Variants in ITSN1 observed in about 807,000 individuals in gnomAD.
The protein encoded by ITSN1 is intersectin-1.
A neutral mutation model predicts 239.8 loss-of-function variants in ITSN1; 58 were observed. The ratio of observed to expected loss-of-function variants is 0.24; its 90% CI spans 0.20 to 0.30. The LOEUF is 0.30. Ranked by LOEUF, ITSN1 falls within the 10% of genes least tolerant of loss-of-function variation. The pLI is 1.00. For missense variants in ITSN1, 1,558 were observed against 2,103.3 expected (o/e 0.74, Z 5.07); for synonymous variants, 780 against 770.8 (o/e 1.01, Z -0.20).
rs750715440 is a variant in ITSN1 at position 33,817,568 on chromosome 21, C to T, written c.2728-699C>T. The T allele has an allele frequency of 3.1e-6, 4 of 1,302,326 alleles. No homozygotes were observed. In the South Asian group the frequency reaches 3.7e-5, roughly 12 times the overall value. The allele number at this position is 1,302,326 out of a possible 1,614,324, so 80.7% of individuals were successfully genotyped here. ...CTTGGTTGTTTTTATCTCTGTCTTC[C>T]CCATTACTTGTGAATTACCTGCTAG... On this transcript the variant is annotated intron_variant, in intron 22 of 39. Transcript: ENST00000381318.
chr21:33,855,998 A>T (rs1979250267), intron 29 of ITSN1, among the ~76,000 whole-genome samples: 1 of 152,254 alleles, frequency 6.6e-6, no homozygotes, highest in Non-Finnish European at 1.5e-5. Context: ...GATAGAGCAC[A>T]GCCTCTGCAG....
chr21:33,759,033 C>T (rs1602057132), intron 8 of ITSN1, among the ~76,000 whole-genome samples: 1 of 152,188 alleles, frequency 6.6e-6, no homozygotes, highest in African/African-American at 2.4e-5. Context: ...AGTAGAATTA[C>T]AAGAGATAAT....
At chr21:33,862,775 G>A (rs1980872175) in intron 31 of ITSN1, among the ~76,000 whole-genome samples, 2 of 152,320 alleles carry the variant, frequency 1.3e-5, no homozygotes, top group East Asian at 3.9e-4. Context: ...CTTGGGTCAA[G>A]TCACTGAATT....
chr21:33,836,218 A>G (rs547030654), intron 28 of ITSN1, among the ~76,000 whole-genome samples: 3 of 152,362 alleles, frequency 2.0e-5, no homozygotes, highest in East Asian at 3.9e-4. Context: ...GGACGATATC[A>G]TAAAAACTAA....
At chr21:33,653,650 G>C (rs1215000452) in intron 1 of ITSN1, among the ~76,000 whole-genome samples, 3 of 151,956 alleles carry the variant, frequency 2.0e-5, no homozygotes, top group Admixed American at 2.0e-4. Flanking sequence ...AGCCTCCCGA[G>C]TAGCTGGGAC....
chr21:33,767,578 T>C (rs967555362), intron 10 of ITSN1, 135 bp from the exon 11 acceptor site: 3 of 465,464 alleles, frequency 6.4e-6, no homozygotes, highest in Non-Finnish European at 7.7e-6. Context: ...AGACCAAATC[T>C]TTATATTTTC....
At chr21:33,856,142 T>G (rs1188709235) in intron 29 of ITSN1, among the ~76,000 whole-genome samples, 2 of 152,240 alleles carry the variant, frequency 1.3e-5, no homozygotes, top group Non-Finnish European at 2.9e-5. Flanking sequence ...GAGCATTAAA[T>G]GCAGTTCACC....
chr21:33,771,944 A>G (rs1301511733), intron 11 of ITSN1, 117 bp from the exon 12 acceptor site: 2 of 1,103,640 alleles, frequency 1.8e-6, no homozygotes, highest in Non-Finnish European at 2.6e-6. Flanking sequence ...ACAGAAGCTT[A>G]GGGAGTTCTG....
At chr21:33,679,166 C>CT (rs1399811410) in intron 1 of ITSN1, among the ~76,000 whole-genome samples, 1 of 152,114 alleles carries the variant, frequency 6.6e-6, no homozygotes, top group East Asian at 1.9e-4. Flanking sequence ...AAGCCAAAGC[C>CT]TTTGTATAAC....
rs1025685769 is a variant in ITSN1, at chr21:33,891,027, T to TCTTCA, written c.*2729_*2733dup. On this transcript the variant is annotated 3_prime_UTR_variant, in exon 40 of 40. Coordinates refer to ENST00000381318, the MANE Select transcript of ITSN1 (RefSeq NM_003024.3). The stretch of plus-strand genomic sequence containing the variant: ...TCCTGGGACCTCTTGGGCTGAGCCT[T>TCTTCA]CTTCACAGAGCAGTTCTCTAGAAGG... The TCTTCA allele has an allele frequency of 6.6e-6, 1 of 152,330 alleles. No homozygotes were observed. Among genetic ancestry groups the TCTTCA allele is most frequent in the Admixed American group, 6.5e-5 (1 of 15,288 alleles). The allele number at this position is 152,330 out of a possible 1,614,324, so 9.4% of individuals were successfully genotyped here.
In ITSN1 at chr21:33,718,798, C is replaced by T. The variant is rs186895426; in HGVS notation, c.-31C>T. The T allele has an allele frequency of 1.4e-4, 221 of 1,604,516 alleles. No homozygotes were observed. The African/African-American group carries it at 2.1e-3, about 15-fold the overall frequency. On this transcript the variant is annotated splice_region_variant and 5_prime_UTR_variant, in exon 2 of 40. Coordinates refer to ENST00000381318, the MANE Select transcript of ITSN1 (RefSeq NM_003024.3). The stretch of plus-strand genomic sequence containing the variant: ...TAAATGTTGCATTTTCACTTACAGG[C>T]GTCGATTAGCAAGGTAAAAGTAACA...
Position 33,890,331 on chromosome 21 carries a change from C to T in ITSN1, c.*2031C>T, listed in dbSNP as rs957896195. 3.3e-5 allele frequency: 5 copies of T among 152,200 alleles called. No homozygotes were observed. The highest frequency in any genetic ancestry group is 1.2e-4 in the African/African-American group (5 of 41,442). 9.4% of individuals were successfully genotyped at this position (152,200 alleles called of 1,614,324 possible). A position where few individuals can be genotyped will look rare whatever the true frequency, so the allele number is the denominator to read the frequency against. On this transcript the variant is annotated 3_prime_UTR_variant, in exon 40 of 40. Transcript: ENST00000381318. ...TTTGTTTTCTGTCCTGTCTTTTCTTCATTGACTTTATTTGCGTGTTAATGT... is the reference window on the plus strand; with the variant it reads ...TTTGTTTTCTGTCCTGTCTTTTCTTTATTGACTTTATTTGCGTGTTAATGT...
intron 21 of ITSN1, among the ~76,000 whole-genome samples, chr21:33,811,470 A>T (rs1314714537): frequency 1.3e-5 from 2 of 152,242 alleles, no homozygotes; most frequent in African/African-American, 4.8e-5. Flanking sequence ...TTTGTTCAAT[A>T]ATGTATTTGT....
intron 29 of ITSN1, among the ~76,000 whole-genome samples, chr21:33,842,749 C>T (rs2074867613): frequency 6.6e-6 from 1 of 152,180 alleles, no homozygotes; most frequent in Admixed American, 6.5e-5. Context: ...CTTATTTTGA[C>T]TCAGACTATC....
intron 1 of ITSN1, among the ~76,000 whole-genome samples, chr21:33,677,034 A>G (rs1301703682): frequency 1.3e-5 from 2 of 151,988 alleles, no homozygotes; most frequent in African/African-American, 4.8e-5. Flanking sequence ...GAGGGATAGC[A>G]TTAGGAGATA....
chr21:33,772,469 A>G, intron 12 of ITSN1, 146 bp downstream of exon 12: 1 of 1,000,750 alleles, frequency 1.0e-6, no homozygotes, highest in South Asian at 1.7e-5. Flanking sequence ...CATCGTCCCT[A>G]ATTCCAGAAC....
intron 4 of ITSN1, among the ~76,000 whole-genome samples, chr21:33,724,228 T>C (rs1222420945): frequency 1.3e-5 from 2 of 152,194 alleles, no homozygotes; most frequent in African/African-American, 4.8e-5. Flanking sequence ...CCAGACTGTC[T>C]CTAAACTAGT....
At chr21:33,648,321 G>A (rs1413300326) in intron 1 of ITSN1, among the ~76,000 whole-genome samples, 5 of 152,184 alleles carry the variant, frequency 3.3e-5, no homozygotes, top group Non-Finnish European at 4.4e-5. Context: ...TTGGAAACTA[G>A]GGTACCAGCA....
intron 6 of ITSN1, 142 bp downstream of exon 6, chr21:33,750,464 G>A: frequency 1.3e-6 from 1 of 778,484 alleles, no homozygotes; most frequent in South Asian, 1.9e-5. Flanking sequence ...TTTTTCACTT[G>A]ATTTCACATT....
Sources: gnomAD v4.1 joint callset for allele counts (sites outside exome capture counted in the v4.1 genomes callset) on GRCh38, gnomAD v4.1.1 for gene constraint, MANE v1.5 for transcripts, NCBI Gene and HGNC (gene_info 2026-07-23, HGNC 2026-07-21) for gene names.